The following RELN variants were observed in gnomAD, a reference collection of about 807,000 sequenced individuals.
RELN encodes the protein reelin.
A neutral mutation model predicts 427.6 loss-of-function variants in RELN; 108 were observed. The ratio of observed to expected loss-of-function variants is 0.25; its 90% CI spans 0.22 to 0.30. RELN has a LOEUF of 0.30. Among genes scored for constraint, RELN ranks in the 10% least tolerant of loss-of-function variants. RELN has a pLI of 1.00. For synonymous variants in RELN, 1,524 were observed against 1,513.4 expected, an observed-to-expected ratio of 1.01 and a Z score of -0.16; for missense variants, 3,715 against 4,302.8, an observed-to-expected ratio of 0.86 and a Z score of 3.82.
chr7:103,669,137 CTCAA>C (rs1386405782), intron 11 of RELN, among the ~76,000 whole-genome samples: 1 of 151,900 alleles, frequency 6.6e-6, no homozygotes, highest in Non-Finnish European at 1.5e-5. Context: ...ATTTTTTTCT[CTCAA>C]TTAGGTTTTA....
intron 2 of RELN, among the ~76,000 whole-genome samples, chr7:103,864,545 A>G (rs1259216240): frequency 6.6e-6 from 1 of 152,134 alleles, no homozygotes; most frequent in East Asian, 1.9e-4. Flanking sequence ...TTCATGCAGT[A>G]TTTGTCCTTC....
At chr7:103,547,431 G>A (rs1830323459) in intron 41 of RELN, among the ~76,000 whole-genome samples, 2 of 113,172 alleles carry the variant, frequency 1.8e-5, no homozygotes, top group East Asian at 3.6e-4. Context: ...AGAGTAGCTG[G>A]GATTACAGGC....
chr7:103,796,463 C>T (rs1016369396), intron 3 of RELN, among the ~76,000 whole-genome samples: 38 of 152,180 alleles, frequency 2.5e-4, no homozygotes, highest in Admixed American at 3.9e-4. Flanking sequence ...CTTTCAGTAT[C>T]ATTTGTTGTA....
chr7:103,613,108 T>G (rs969197865), intron 20 of RELN, among the ~76,000 whole-genome samples: 1 of 152,240 alleles, frequency 6.6e-6, no homozygotes, highest in African/African-American at 2.4e-5. Context: ...CTTTCCTTAG[T>G]TCCATCTTTC....
At chr7:103,673,680 C>T (rs1833445091) in intron 11 of RELN, among the ~76,000 whole-genome samples, 1 of 152,004 alleles carries the variant, frequency 6.6e-6, no homozygotes, top group Non-Finnish European at 1.5e-5. Context: ...TTTCCTAATA[C>T]TTGATATTTG....
chr7:103,865,148 AAAAAAAAGAAAGAAAG>A (rs1794167885), intron 2 of RELN, among the ~76,000 whole-genome samples: 1 of 150,490 alleles, frequency 6.6e-6, no homozygotes, highest in South Asian at 2.1e-4. Flanking sequence ...AAAAAAAAAA[AAAAAAAAGAAAGAAAG>A]AAATTCTTAG....
At position 103,584,714 on chromosome 7, in the gene RELN, A is replaced by T. The variant is rs1468309192; in HGVS notation, c.4145+4882T>A. 3.3e-5 allele frequency among the ~76,000 whole-genome samples: 5 copies of T among 152,232 alleles called. No homozygotes were observed. The East Asian group carries it at 9.6e-4, about 29-fold the overall frequency. On this transcript the variant is annotated intron_variant, in intron 28 of 64. Coordinates refer to ENST00000428762, the MANE Select transcript of RELN (RefSeq NM_005045.4). ...AAATTGGACTCTATGCCAAATGGAC[A>T]TAACAGACATTTAAAGAACATTACA...
chr7:103,479,008 C>T (rs80082147), intron 63 of RELN, among the ~76,000 whole-genome samples: 2 of 152,106 alleles, frequency 1.3e-5, no homozygotes, highest in Admixed American at 1.3e-4. Flanking sequence ...ATAAGGTTTG[C>T]AGTTCTCCGT....
Position 103,872,013 on chromosome 7 carries a change from A to AATAT in RELN, c.338-38345_338-38342dup, listed in dbSNP as rs780607319. Among the ~76,000 whole-genome samples the AATAT allele has an allele frequency of 3.9e-3, 444 of 115,064 alleles. 5 individuals are homozygous for AATAT. In the East Asian group the frequency reaches 0.048, roughly 13 times the overall value. 75.5% of individuals were successfully genotyped at this position (115,064 alleles called of 152,430 possible). On this transcript the variant is annotated intron_variant, in intron 2 of 64. Transcript: ENST00000428762. Reference sequence around the variant, plus strand: ...ACTTACATTCTATCTACAGTATATGAATATATATATATATATATTTTTCTT... The same window carrying AATAT: ...ACTTACATTCTATCTACAGTATATGAATATATATATATATATATATATTTTTCTT...
At chr7:103,981,656 G>A (rs898881907) in intron 1 of RELN, among the ~76,000 whole-genome samples, 3 of 152,274 alleles carry the variant, frequency 2.0e-5, no homozygotes, top group East Asian at 1.9e-4. Flanking sequence ...AAGAAGTCCC[G>A]TCATTATTTC....
intron 1 of RELN, among the ~76,000 whole-genome samples, chr7:103,950,019 T>C (rs1380293052): frequency 5.9e-5 from 9 of 152,208 alleles, no homozygotes; most frequent in Non-Finnish European, 7.3e-5. Context: ...TTACAAACAA[T>C]ATAAATTTCT....
chr7:103,488,710 T>C (rs1286018831), intron 60 of RELN, among the ~76,000 whole-genome samples: 1 of 152,220 alleles, frequency 6.6e-6, no homozygotes, highest in Admixed American at 6.5e-5. Flanking sequence ...GCAAGGCTGA[T>C]TGGAAAGAAC....
chr7:103,619,064 G>T (rs2117308169), intron 20 of RELN, among the ~76,000 whole-genome samples: 1 of 152,040 alleles, frequency 6.6e-6, no homozygotes, highest in African/African-American at 2.4e-5. Context: ...AGCTGAGATT[G>T]CGCCACTGCA....
At chr7:103,941,072 C>T (rs1247124123) in intron 1 of RELN, among the ~76,000 whole-genome samples, 2 of 152,116 alleles carry the variant, frequency 1.3e-5, no homozygotes, top group East Asian at 1.9e-4. Context: ...CCCTGGGTCA[C>T]CTCCCCTTCC....
chr7:103,899,851 G>A (rs1340177843), intron 2 of RELN, among the ~76,000 whole-genome samples: 1 of 152,056 alleles, frequency 6.6e-6, no homozygotes, highest in Non-Finnish European at 1.5e-5. Flanking sequence ...ACACTGAATG[G>A]GCAAAAGCTG....
intron 45 of RELN, among the ~76,000 whole-genome samples, chr7:103,538,729 A>C (rs1830111015): frequency 6.6e-6 from 1 of 152,306 alleles, no homozygotes; most frequent in Admixed American, 6.5e-5. Context: ...ATGTGATGAG[A>C]GTCCTTACTG....
At chr7:103,476,785 A>AT in intron 64 of RELN, 2 of 332,254 alleles carry the variant, frequency 6.0e-6, no homozygotes, top group South Asian at 2.6e-5. Flanking sequence ...ATATTTACTC[A>AT]TTTTTTGGTG....
At position 103,522,093 on chromosome 7, in the gene RELN, T is replaced by A; in HGVS notation, c.7597A>T (p.Thr2533Ser). ...NRAPSSQNWL[T>S]VNGGKLSTVC... Reference sequence around the variant, plus strand: ...GTACTCAATTTCCCTCCGTTCACAGTCAGCCAGTTCTGACTGGATGGAGCT... The same window carrying A: ...GTACTCAATTTCCCTCCGTTCACAGACAGCCAGTTCTGACTGGATGGAGCT... Residue 2533 changes from threonine (T) to serine (S), a missense_variant, in exon 48 of 65, where the codon ACT (threonine) becomes TCT (serine). By Grantham distance (58) the Thr-to-Ser change is moderately conservative (BLOSUM62 1). Transcript: ENST00000428762. 6.2e-7 allele frequency: 1 copy of A among 1,614,080 alleles called. No individual in the cohort carries two copies. The highest frequency in any genetic ancestry group is 8.5e-7 in the Non-Finnish European group (1 of 1,180,020).
chr7:103,558,172 T>C (rs1456390404), intron 36 of RELN, 123 bp from the exon 37 acceptor site: 2 of 642,814 alleles, frequency 3.1e-6, no homozygotes, highest in Non-Finnish European at 5.7e-6. Context: ...AAGAAGCAAA[T>C]TTTGCCTAGT....
Sources: gnomAD v4.1 joint callset for allele counts (sites outside exome capture counted in the v4.1 genomes callset) on GRCh38, gnomAD v4.1.1 for gene constraint, MANE v1.5 for transcripts, NCBI Gene and HGNC (gene_info 2026-07-23, HGNC 2026-07-21) for gene names.